Variants in RAPGEF6 observed in about 807,000 individuals in gnomAD.
RAPGEF6 encodes PDZ domain containing guanine nucleotide exchange factor (GEF) 2.
In RAPGEF6, 56 loss-of-function variants were observed where a neutral mutation model predicts 171.4. The observed-to-expected ratio is 0.33, with a 90% CI of 0.26 to 0.41. The LOEUF (loss-of-function observed/expected upper bound fraction) is 0.41. Ranked by LOEUF, RAPGEF6 falls within the 10% of genes least tolerant of loss-of-function variation. RAPGEF6 has a pLI of 1.00. For synonymous variants in RAPGEF6, 692 were observed against 650.1 expected (o/e 1.06, Z -0.98); for missense variants, 1,674 against 1,921.4 (o/e 0.87, Z 2.41).
chr5:131,437,221 G>A (rs1057045762), intron 24 of RAPGEF6, among the ~76,000 whole-genome samples: 4 of 152,146 alleles, frequency 2.6e-5, no homozygotes, highest in South Asian at 2.1e-4. Context: ...ACATTACTAC[G>A]AGAAGCTCAC....
intron 6 of RAPGEF6, among the ~76,000 whole-genome samples, chr5:131,543,321 A>G (rs545850478): frequency 6.6e-6 from 1 of 152,144 alleles, no homozygotes; most frequent in Non-Finnish European, 1.5e-5. Flanking sequence ...GATTAAGTAG[A>G]TATCTTCTGA....
intron 4 of RAPGEF6, among the ~76,000 whole-genome samples, chr5:131,579,532 T>G (rs550187890): frequency 1.6e-4 from 25 of 152,056 alleles, no homozygotes; most frequent in Admixed American, 1.4e-3. Flanking sequence ...CTAGACAGAG[T>G]GCTGACTGGT....
At chr5:131,632,234 T>C (rs948902533) in intron 1 of RAPGEF6, among the ~76,000 whole-genome samples, 7 of 152,142 alleles carry the variant, frequency 4.6e-5, no homozygotes, top group Non-Finnish European at 8.8e-5. Context: ...CTCACACCTG[T>C]TCACCCTTCT....
chr5:131,630,746 G>A (rs1766253380), intron 1 of RAPGEF6, among the ~76,000 whole-genome samples: 1 of 152,162 alleles, frequency 6.6e-6, no homozygotes, highest in Non-Finnish European at 1.5e-5. Flanking sequence ...AAGGACGACA[G>A]ATGGTTCAAA....
intron 25 of RAPGEF6, among the ~76,000 whole-genome samples, chr5:131,432,665 C>A (rs945630615): frequency 3.8e-4 from 57 of 151,958 alleles, no homozygotes; most frequent in African/African-American, 1.4e-3. Flanking sequence ...TTTACTGGGA[C>A]ACAGTCATGC....
intron 7 of RAPGEF6, among the ~76,000 whole-genome samples, chr5:131,512,975 C>A (rs149283786): frequency 6.6e-6 from 1 of 152,078 alleles, no homozygotes; most frequent in Non-Finnish European, 1.5e-5. Context: ...TATAAGCTAC[C>A]CCCCAGTCTA....
At chr5:131,485,376 T>G (rs1755815978) in intron 15 of RAPGEF6, among the ~76,000 whole-genome samples, 1 of 152,182 alleles carries the variant, frequency 6.6e-6, no homozygotes, top group Admixed American at 6.5e-5. Context: ...GTGGGTCAGG[T>G]AGAGGGACTC....
intron 14 of RAPGEF6, among the ~76,000 whole-genome samples, chr5:131,491,356 A>G (rs1756269875): frequency 6.6e-6 from 1 of 152,206 alleles, no homozygotes; most frequent in Non-Finnish European, 1.5e-5. Context: ...TCATAATATG[A>G]ATGAGCTCAT....
intron 7 of RAPGEF6, among the ~76,000 whole-genome samples, chr5:131,517,217 C>T (rs917781477): frequency 4.6e-5 from 7 of 151,982 alleles, no homozygotes; most frequent in African/African-American, 1.7e-4. Context: ...CTCAGCACCA[C>T]GCAATATACT....
intron 24 of RAPGEF6, among the ~76,000 whole-genome samples, chr5:131,434,902 A>T (rs1243622511): frequency 6.6e-6 from 1 of 152,242 alleles, no homozygotes; most frequent in Non-Finnish European, 1.5e-5. Context: ...GGTCTCAAAG[A>T]AGTAAAAAAT....
At chr5:131,511,506 T>G (rs1757725370) in intron 7 of RAPGEF6, among the ~76,000 whole-genome samples, 1 of 151,570 alleles carries the variant, frequency 6.6e-6, no homozygotes, top group East Asian at 1.9e-4. Context: ...TTCTTTTTTT[T>G]GAGACAGGTT....
Position 131,472,667 on chromosome 5 carries a change from G to C in RAPGEF6, c.2159C>G (p.Pro720Arg). The C allele has an allele frequency of 6.2e-7, 1 of 1,613,310 alleles. No individual in the cohort carries two copies. Among genetic ancestry groups the C allele is most frequent in the Admixed American group, 1.7e-5 (1 of 60,024 alleles). ...GCTGGATGAGAGTGTTCCAGGGATG[G>C]GCATTATAGCCAGACTATGCCTACA... Reference protein sequence around the residue: ...RHCRHSLAIMPIPGTLSSSSP... With the variant: ...RHCRHSLAIMRIPGTLSSSSP... Residue 720 changes from proline to arginine, a missense_variant, in exon 17 of 28, where the codon CCC becomes CGC. Physicochemically the swap from Pro to Arg is moderately radical, Grantham distance 103. Coordinates refer to ENST00000509018, the MANE Select transcript of RAPGEF6 (RefSeq NM_016340.6).
chr5:131,553,125 A>G (rs1041221567), intron 5 of RAPGEF6, among the ~76,000 whole-genome samples: 2 of 152,220 alleles, frequency 1.3e-5, no homozygotes, highest in African/African-American at 4.8e-5. Context: ...ATAGCAATCT[A>G]CATTTGGAGG....
chr5:131,531,736 T>C (rs138050253), intron 6 of RAPGEF6, among the ~76,000 whole-genome samples: 230 of 152,304 alleles, frequency 1.5e-3, no homozygotes, highest in Middle Eastern at 6.8e-3. Context: ...AAATGTCATA[T>C]AATCTGGCAA....
At chr5:131,607,711 C>T (rs1394073168) in intron 1 of RAPGEF6, among the ~76,000 whole-genome samples, 1 of 152,118 alleles carries the variant, frequency 6.6e-6, no homozygotes, top group Non-Finnish European at 1.5e-5. Context: ...TGGTAACACA[C>T]ATGCGGCTCC....
Position 131,464,962 on chromosome 5 carries a change from A to T in RAPGEF6, c.2240-681T>A, listed in dbSNP as rs192519138. 1.4e-3 allele frequency among the ~76,000 whole-genome samples: 208 copies of T among 152,244 alleles called. 1 individual carries two copies. The highest frequency in any genetic ancestry group is 4.7e-3 in the African/African-American group (196 of 41,548). On this transcript the variant is annotated intron_variant, in intron 17 of 27. Transcript: ENST00000509018. ...TTTGCTTTCCCATTTCATAAGCCCT[A>T]TTCTTTTCCTCCCTCCAAAAAAATA...
chr5:131,538,593 C>T (rs1759928787), intron 6 of RAPGEF6, among the ~76,000 whole-genome samples: 1 of 152,090 alleles, frequency 6.6e-6, no homozygotes, highest in Non-Finnish European at 1.5e-5. Context: ...ATAAAAGGGA[C>T]TCGAACATCC....
rs1752716297 is a variant in RAPGEF6, at chr5:131,446,638, C to T, written c.3266G>A (p.Arg1089Lys). The change falls in exon 22 of 28, where the codon AGG becomes AAG. Residue 1089 changes from arginine to lysine, a missense_variant. Transcript: ENST00000509018. ...LDVQGGAHKK[R>K]ARRSSLLNAK... ...ATTAAGCAGAGAGCTGCGGCGTGCC[C>T]TTTTTTTGTGAGCACCTCCCTGAAC... is the stretch of plus-strand genomic sequence containing the variant. 2 of 1,614,184 alleles carry T rather than the reference C, an allele frequency of 1.2e-6. No homozygotes were observed. Among genetic ancestry groups the T allele is most frequent in the East Asian group, 2.2e-5 (1 of 44,888 alleles).
chr5:131,621,662 G>C (rs1765599729), intron 1 of RAPGEF6, among the ~76,000 whole-genome samples: 1 of 152,126 alleles, frequency 6.6e-6, no homozygotes, highest in Non-Finnish European at 1.5e-5. Context: ...TATGTAAAGA[G>C]TTGCTATACT....
Sources: gnomAD v4.1 joint callset for allele counts (sites outside exome capture counted in the v4.1 genomes callset) on GRCh38, gnomAD v4.1.1 for gene constraint, MANE v1.5 for transcripts, NCBI Gene and HGNC (gene_info 2026-07-23, HGNC 2026-07-21) for gene names.